The following VDAC1 variants were observed in gnomAD, a reference collection of about 807,000 sequenced individuals.
The protein encoded by VDAC1 is voltage dependent anion channel 1, also known as non-selective voltage-gated ion channel VDAC1.
VDAC1 carries 10 observed loss-of-function variants against 34.7 expected under a neutral mutation model. The ratio of observed to expected loss-of-function variants is 0.29; its 90% CI spans 0.18 to 0.49. VDAC1 has a LOEUF of 0.49. VDAC1 is among the 20% of genes least tolerant of loss of function. VDAC1 has a pLI of 0.99. For missense variants in VDAC1, 230 were observed against 347.9 expected (o/e 0.66, Z 2.69); for synonymous variants, 130 against 136.0 (o/e 0.96, Z 0.30).
the VDAC1 span, among the ~76,000 whole-genome samples, chr5:134,035,393 A>G: frequency 6.6e-6 from 1 of 152,090 alleles, no homozygotes; most frequent in Non-Finnish European, 1.5e-5. Context: ...ACGTGTGCAC[A>G]ACAAAACCCT....
At chr5:134,048,124 T>C in the VDAC1 span, among the ~76,000 whole-genome samples, 77,166 of 150,776 alleles carry the variant, frequency 0.51, 21,315 homozygotes, top group Non-Finnish European at 0.62. Context: ...CCCACCACCA[T>C]GCCCTGCTAA....
the VDAC1 span, among the ~76,000 whole-genome samples, chr5:134,103,746 G>A: frequency 6.6e-6 from 1 of 152,240 alleles, no homozygotes; most frequent in Non-Finnish European, 1.5e-5. Context: ...ATGTTTACCA[G>A]CGCCGCCACA....
At chr5:134,113,792 C>A in the VDAC1 span, among the ~76,000 whole-genome samples, 1 of 152,228 alleles carries the variant, frequency 6.6e-6, no homozygotes, top group Non-Finnish European at 1.5e-5. Flanking sequence ...CTGGATCGAG[C>A]GAGGGTTAGA....
At chr5:133,991,745 A>T (rs76565171) in intron 3 of VDAC1, among the ~76,000 whole-genome samples, 1,506 of 144,702 alleles carry the variant, frequency 0.01, 22 homozygotes, top group African/African-American at 0.036. Context: ...CTGCCAGAAT[A>T]AAAAAAAAAA....
At chr5:134,009,713 CCTCT>C (rs1293903618), upstream of VDAC1, among the ~76,000 whole-genome samples, 42 of 150,500 alleles carry the variant, frequency 2.8e-4, no homozygotes, top group Non-Finnish European at 1.2e-4. Context: ...ACAGAGTCTC[CCTCT>C]GTCACCCAGG....
chr5:134,054,294 A>G, the VDAC1 span, among the ~76,000 whole-genome samples: 12 of 152,132 alleles, frequency 7.9e-5, no homozygotes, highest in South Asian at 4.1e-4. Context: ...ATGAATCTCC[A>G]GCAGGCAGGA....
chr5:134,009,310 C>T (rs1044167665), upstream of VDAC1, among the ~76,000 whole-genome samples: 6 of 122,676 alleles, frequency 4.9e-5, no homozygotes, highest in African/African-American at 6.5e-5. Context: ...GGCTGGAGTA[C>T]GGTGGCATGA....
chr5:133,980,678 C>A (rs766053786), intron 6 of VDAC1, 51 bp downstream of exon 6: 41 of 855,296 alleles, frequency 4.8e-5, no homozygotes, highest in Admixed American at 2.6e-4. Flanking sequence ...CCCCTTACCA[C>A]ACATGCTCCA....
chr5:134,059,428 G>A, the VDAC1 span, among the ~76,000 whole-genome samples: 1 of 152,138 alleles, frequency 6.6e-6, no homozygotes, highest in Non-Finnish European at 1.5e-5. Flanking sequence ...AACTATGGGA[G>A]AGCCTCCCAC....
the VDAC1 span, among the ~76,000 whole-genome samples, chr5:134,098,919 T>C: frequency 6.6e-6 from 1 of 152,206 alleles, no homozygotes; most frequent in African/African-American, 2.4e-5. Context: ...GCCTGTAATT[T>C]TGAAGGCCGA....
At chr5:134,084,952 G>A in the VDAC1 span, among the ~76,000 whole-genome samples, 107,000 of 152,118 alleles carry the variant, frequency 0.7, 40,386 homozygotes, top group Non-Finnish European at 0.86. Context: ...TTCAACCCAC[G>A]GTTTGACTAA....
At chr5:134,010,657 T>A in the VDAC1 span, among the ~76,000 whole-genome samples, 1 of 152,154 alleles carries the variant, frequency 6.6e-6, no homozygotes, top group Non-Finnish European at 1.5e-5. Context: ...ACAATGTTAA[T>A]GGAAGGCAAT....
the VDAC1 span, among the ~76,000 whole-genome samples, chr5:134,024,987 CCAGCCA>C: frequency 2.0e-5 from 3 of 152,246 alleles, no homozygotes; most frequent in Non-Finnish European, 4.4e-5. Flanking sequence ...ATGCATGGCC[CCAGCCA>C]ACACCACATG....
chr5:133,980,708 G>A (rs1458257929), intron 6 of VDAC1, 21 bp downstream of exon 6: 21 of 293,846 alleles, frequency 7.1e-5, no homozygotes, highest in Non-Finnish European at 1.1e-4. Context: ...CTCCCACCCT[G>A]CTGCCCCCAT....
the VDAC1 span, among the ~76,000 whole-genome samples, chr5:134,112,898 T>C: frequency 1.3e-5 from 2 of 152,060 alleles, no homozygotes; most frequent in Non-Finnish European, 2.9e-5. Flanking sequence ...AACTCATGGG[T>C]CTGGGGACAG....
At chr5:134,079,882 G>GT in the VDAC1 span, among the ~76,000 whole-genome samples, 1 of 152,218 alleles carries the variant, frequency 6.6e-6, no homozygotes, top group Non-Finnish European at 1.5e-5. Context: ...GAGAATACAG[G>GT]TTGTTGTTGA....
chr5:134,003,771 G>A (rs1753649776), intron 1 of VDAC1, among the ~76,000 whole-genome samples: 1 of 152,198 alleles, frequency 6.6e-6, no homozygotes, highest in African/African-American at 2.4e-5. Flanking sequence ...ACTCATCGAA[G>A]GAGAGGTACA....
At chr5:134,072,482 C>T in the VDAC1 span, among the ~76,000 whole-genome samples, 1 of 152,148 alleles carries the variant, frequency 6.6e-6, no homozygotes, top group African/African-American at 2.4e-5. Context: ...CTGCAGTTGA[C>T]GGGAATCCTC....
the VDAC1 span, among the ~76,000 whole-genome samples, chr5:134,021,078 G>A: frequency 2.0e-5 from 3 of 151,952 alleles, no homozygotes; most frequent in Non-Finnish European, 4.4e-5. Context: ...TGAAGTGGGA[G>A]GATCACCTGA....
Sources: allele counts gnomAD v4.1 joint callset (sites outside exome capture counted in the v4.1 genomes callset), GRCh38; gene constraint gnomAD v4.1.1; transcripts MANE v1.5; gene names NCBI Gene and HGNC (gene_info 2026-07-23, HGNC 2026-07-21).